CACNA1H: variants seen among roughly 807,000 people sequenced by gnomAD.
CACNA1H encodes the protein voltage-dependent T-type calcium channel subunit alpha-1H.
Under a neutral mutation model 192.5 loss-of-function variants are expected in CACNA1H, and 149 were observed. The observed-to-expected ratio is 0.77, with a 90% CI of 0.68 to 0.89. The LOEUF (loss-of-function observed/expected upper bound fraction) is 0.89. CACNA1H is among the 40% of genes least tolerant of loss of function. The pLI is 0.00. For synonymous variants in CACNA1H, 2,202 were observed against 1,475.2 expected, an observed-to-expected ratio of 1.49 and a Z score of -11.29; for missense variants, 4,257 against 3,423.5, an observed-to-expected ratio of 1.24 and a Z score of -6.08.
intron 2 of CACNA1H, among the ~76,000 whole-genome samples, chr16:1,183,909 G>T (rs1263412821): frequency 6.6e-6 from 1 of 152,240 alleles, no homozygotes; most frequent in African/African-American, 2.4e-5. Flanking sequence ...TTCCCTCCTG[G>T]ATCGGTTAAT....
chr16:1,214,038 G>A (rs1428595717), intron 27 of CACNA1H, 107 bp downstream of exon 27: 3 of 911,816 alleles, frequency 3.3e-6, no homozygotes, highest in Non-Finnish European at 5.1e-6. Context: ...GCCCTCGCTG[G>A]GGTTTGCGTG....
In CACNA1H at chr16:1,182,611, A is replaced by G. The variant is rs1490268143; in HGVS notation, c.300-12361A>G. The stretch of plus-strand genomic sequence containing the variant: ...TGGCTCCGGCCACGTTCCCCTGGCC[A>G]GGCCCCTGGGGAGAGGGGCTCCCAC... On this transcript the variant is annotated intron_variant, in intron 2 of 34. Coordinates refer to ENST00000348261, the MANE Select transcript of CACNA1H (RefSeq NM_021098.3). Among the ~76,000 whole-genome samples, 11 of 152,116 alleles carry G rather than the reference A, an allele frequency of 7.2e-5. No individual in the cohort carries two copies. The East Asian group carries it at 1.9e-3, about 27-fold the overall frequency.
At chr16:1,175,459 C>T (rs1964785551) in intron 2 of CACNA1H, among the ~76,000 whole-genome samples, 1 of 152,164 alleles carries the variant, frequency 6.6e-6, no homozygotes, top group East Asian at 1.9e-4. Flanking sequence ...TGTGTCGTCG[C>T]TCCTGCTGGG....
chr16:1,200,337 A>G lies in CACNA1H; in HGVS notation c.885A>G (p.Arg295=). The stretch of plus-strand genomic sequence containing the variant: ...ACCCGTTCATCTGCTCCTCACGCCG[A>G]GACAACGGCATGCAGAAGTGCTCGC... The part of the protein sequence containing the change: ...EENPFICSSR[R]DNGMQKCSHI... The change falls in exon 7 of 35, where the codon CGA becomes CGG. Residue 295 remains arginine (R), a synonymous_variant. Transcript: ENST00000348261. The G allele has an allele frequency of 6.2e-7, 1 of 1,603,346 alleles. No homozygotes were observed. Among genetic ancestry groups the G allele is most frequent in the Non-Finnish European group, 8.5e-7 (1 of 1,175,622 alleles).
In CACNA1H at chr16:1,211,737, C is replaced by G. The variant is rs962150053; in HGVS notation, c.4498C>G (p.Leu1500Val). The part of the protein sequence containing the change: ...LGQALMSLFV[L>V]SSKDGWVNIM... ...TCAGGCCCTGATGTCGCTGTTCGTG[C>G]TGTCATCCAAGGATGGATGGGTGAA... Residue 1500 changes from leucine (L) to valine (V), a missense_variant, in exon 24 of 35, where the codon CTG becomes GTG. Leu to Val is a conservative substitution (Grantham distance 32, BLOSUM62 1). Transcript: ENST00000348261. 1 of 1,612,636 alleles carries G rather than the reference C, an allele frequency of 6.2e-7. No individual in the cohort carries two copies. Among genetic ancestry groups the G allele is most frequent in the South Asian group, 1.1e-5 (1 of 91,088 alleles).
rs1967688023 is a variant in CACNA1H, at chr16:1,200,312, A to T, written c.860A>T (p.Asn287Ile). 6.2e-7 allele frequency: 1 copy of T among 1,606,078 alleles called. No individual in the cohort carries two copies. The highest frequency in any genetic ancestry group is 8.5e-7 in the Non-Finnish European group (1 of 1,176,870). ...PYYQTEEGEE[N>I]PFICSSRRDN... ...TACCAGACGGAGGAGGGCGAGGAGA[A>T]CCCGTTCATCTGCTCCTCACGCCGA... Residue 287 changes from asparagine to isoleucine, a missense_variant, in exon 7 of 35, where the codon AAC (asparagine) becomes ATC (isoleucine). Asn to Ile is a moderately radical substitution (Grantham distance 149, BLOSUM62 -3). Coordinates refer to ENST00000348261, the MANE Select transcript of CACNA1H (RefSeq NM_021098.3).
intron 2 of CACNA1H, among the ~76,000 whole-genome samples, chr16:1,182,493 G>A (rs1200668034): frequency 6.6e-6 from 1 of 152,092 alleles, no homozygotes; most frequent in African/African-American, 2.4e-5. Context: ...CCTGTGACCC[G>A]CGGCGCCGGC....
rs766831062 is a variant in CACNA1H at position 1,220,088 on chromosome 16, G to T, written c.6156G>T (p.Gly2052=). The T allele has an allele frequency of 2.1e-6, 3 of 1,462,196 alleles. No homozygotes were observed. Among genetic ancestry groups the T allele is most frequent in the East Asian group, 2.7e-5 (1 of 37,390 alleles). 90.6% of individuals were successfully genotyped at this position (1,462,196 alleles called of 1,614,324 possible). Residue 2052 remains glycine, a synonymous_variant, in exon 35 of 35, where the codon GGG becomes GGT. Coordinates refer to ENST00000348261, the MANE Select transcript of CACNA1H (RefSeq NM_021098.3). ...EKTPVRPVTQ[G]GSLQSPPRSP... is the part of the protein sequence containing the mutation. ...CCCCGGTGAGGCCGGTGACCCAGGGGGGCTCCCTGCAGTCCCCACCACGCT... is the reference window on the plus strand; with the variant it reads ...CCCCGGTGAGGCCGGTGACCCAGGGTGGCTCCCTGCAGTCCCCACCACGCT...
At chr16:1,183,240 C>G (rs572111747) in intron 2 of CACNA1H, among the ~76,000 whole-genome samples, 1 of 152,152 alleles carries the variant, frequency 6.6e-6, no homozygotes, top group African/African-American at 2.4e-5. Context: ...GGACCCCTGA[C>G]GGGTTCTATT....
At chr16:1,204,553 G>C in intron 10 of CACNA1H, 95 bp downstream of exon 10, 3 of 977,614 alleles carry the variant, frequency 3.1e-6, no homozygotes, top group Non-Finnish European at 4.5e-6. Context: ...TGCCTGACCT[G>C]ATGGTAGGAC....
At chr16:1,215,671 C>G in intron 30 of CACNA1H, 78 bp downstream of exon 30, 1 of 1,142,810 alleles carries the variant, frequency 8.8e-7, no homozygotes, top group South Asian at 1.4e-5. Context: ...GTCCCCCTCT[C>G]CCCCTCACTC....
chr16:1,202,689 G>A (rs113517517), intron 9 of CACNA1H, among the ~76,000 whole-genome samples: 8 of 152,288 alleles, frequency 5.3e-5, no homozygotes, highest in South Asian at 2.1e-4. Context: ...AGTGGTAGCC[G>A]CGGAGGTGGG....
Position 1,153,900 on chromosome 16 carries a change from G to A in CACNA1H, c.163G>A (p.Ala55Thr). The change falls in exon 2 of 35, where the codon GCG (alanine) becomes ACG (threonine). Residue 55 changes from alanine to threonine, a missense_variant. Ala to Thr is a moderately conservative substitution (Grantham distance 58). Transcript: ENST00000348261. Reference protein sequence around the residue: ...ELGVSPSESPAAERGAELGAD... With the variant: ...ELGVSPSESPTAERGAELGAD... ...CGGCGTGTCACCCTCCGAGAGCCCG[G>A]CGGCCGAGCGCGGCGCGGAGCTGGG... is the stretch of plus-strand genomic sequence containing the variant. The A allele has an allele frequency of 1.0e-5, 15 of 1,451,870 alleles. No homozygotes were observed. Among genetic ancestry groups the A allele is most frequent in the Non-Finnish European group, 1.4e-5 (15 of 1,102,986 alleles). The allele number at this position is 1,451,870 out of a possible 1,614,324, so 89.9% of individuals were successfully genotyped here.
intron 2 of CACNA1H, among the ~76,000 whole-genome samples, chr16:1,161,810 A>C: frequency 6.6e-6 from 1 of 152,118 alleles, no homozygotes; most frequent in Non-Finnish European, 1.5e-5. Flanking sequence ...CCCTGTCCCC[A>C]TCTGTGAGCA....
Position 1,220,547 on chromosome 16 carries a change from G to A in CACNA1H, c.6615G>A (p.Arg2205=). Residue 2205 remains arginine (R), a synonymous_variant, in exon 35 of 35, where the codon CGG becomes CGA. Transcript: ENST00000348261. ...CTGCGGAGGACGAGGGCTCTGCGCGGCCCTCCGCGGCAGAGGGCGGCAGCA... is the reference window on the plus strand; with the variant it reads ...CTGCGGAGGACGAGGGCTCTGCGCGACCCTCCGCGGCAGAGGGCGGCAGCA... The part of the protein sequence containing the change: ...EPPAEDEGSA[R]PSAAEGGSTT... 3.3e-6 allele frequency: 5 copies of A among 1,531,344 alleles called. No homozygotes were observed. The highest frequency in any genetic ancestry group is 4.4e-6 in the Non-Finnish European group (5 of 1,146,090). The allele number at this position is 1,531,344 out of a possible 1,614,324, so 94.9% of individuals were successfully genotyped here. A position where few individuals can be genotyped will look rare whatever the true frequency, so the allele number is the denominator to read the frequency against.
At chr16:1,190,270 A>G (rs1012430773) in intron 2 of CACNA1H, among the ~76,000 whole-genome samples, 5 of 152,252 alleles carry the variant, frequency 3.3e-5, no homozygotes, top group Non-Finnish European at 5.9e-5. Context: ...TCTAATTTAT[A>G]GAAGTTGATT....
intron 5 of CACNA1H, 78 bp downstream of exon 5, chr16:1,196,101 C>T: frequency 8.7e-7 from 1 of 1,147,296 alleles, no homozygotes. Context: ...TCAAAAGGGC[C>T]CCCAGGAGCA....
intron 2 of CACNA1H, among the ~76,000 whole-genome samples, chr16:1,162,507 G>T (rs1294244590): frequency 6.6e-6 from 1 of 152,176 alleles, no homozygotes; most frequent in African/African-American, 2.4e-5. Flanking sequence ...GCAGCCCCCA[G>T]AGAGAGAGGA....
rs370549651 is a variant in CACNA1H at position 1,202,368 on chromosome 16, C to G, written c.1918C>G (p.Pro640Ala). 14 of 1,559,220 alleles carry G rather than the reference C, an allele frequency of 9.0e-6. No homozygotes were observed. In the African/African-American group the frequency reaches 1.9e-4, roughly 21 times the overall value. The change falls in exon 9 of 35, where the codon CCG becomes GCG. Residue 640 changes from proline to alanine, a missense_variant. Coordinates refer to ENST00000348261, the MANE Select transcript of CACNA1H (RefSeq NM_021098.3). Reference sequence around the variant, plus strand: ...ACCCAAGGGGAAGTGGGCCGGTGGACCGCCAGGCACCGGGGGGCACGGCCC... The same window carrying G: ...ACCCAAGGGGAAGTGGGCCGGTGGAGCGCCAGGCACCGGGGGGCACGGCCC... ...PGPKGKWAGG[P>A]PGTGGHGPLS...
Sources: allele counts gnomAD v4.1 joint callset (sites outside exome capture counted in the v4.1 genomes callset), GRCh38; gene constraint gnomAD v4.1.1; transcripts MANE v1.5; gene names NCBI Gene and HGNC (gene_info 2026-07-23, HGNC 2026-07-21).